Variants in LRRTM4 observed in about 807,000 individuals in gnomAD.
LRRTM4 encodes the protein leucine-rich repeat transmembrane neuronal protein 4.
LRRTM4 carries 25 observed loss-of-function variants against 47.6 expected under a neutral mutation model. The observed-to-expected ratio is 0.53, with a 90% CI of 0.38 to 0.73. LRRTM4 has a LOEUF of 0.73. LRRTM4 is among the 30% of genes least tolerant of loss of function. The pLI is 0.00. For missense variants in LRRTM4, 638 were observed against 713.4 expected (o/e 0.89, Z 1.20); for synonymous variants, 311 against 269.5 (o/e 1.15, Z -1.51).
intron 3 of LRRTM4, among the ~76,000 whole-genome samples, chr2:77,293,315 T>C (rs988909222): frequency 6.6e-6 from 1 of 152,040 alleles, no homozygotes; most frequent in South Asian, 2.1e-4. Context: ...CAGAAAGAAG[T>C]ATTTAAACTT....
chr2:77,467,955 G>C (rs1344174612), intron 3 of LRRTM4, among the ~76,000 whole-genome samples: 1 of 152,084 alleles, frequency 6.6e-6, no homozygotes, highest in East Asian at 1.9e-4. Flanking sequence ...TACAAAAAGA[G>C]GTACTTATAT....
chr2:76,910,523 T>C (rs1674015561), intron 3 of LRRTM4, among the ~76,000 whole-genome samples: 1 of 152,102 alleles, frequency 6.6e-6, no homozygotes, highest in Non-Finnish European at 1.5e-5. Flanking sequence ...GGCATCATTC[T>C]TATAGCACCA....
At chr2:76,969,942 T>C (rs141454711) in intron 3 of LRRTM4, among the ~76,000 whole-genome samples, 22 of 152,090 alleles carry the variant, frequency 1.4e-4, no homozygotes, top group African/African-American at 5.3e-4. Flanking sequence ...CTTCAGAATA[T>C]ATCTGTTCTG....
intron 3 of LRRTM4, among the ~76,000 whole-genome samples, chr2:77,085,150 T>A (rs887932582): frequency 2.6e-5 from 4 of 152,132 alleles, no homozygotes; most frequent in African/African-American, 9.6e-5. Flanking sequence ...TAGATACAAC[T>A]AAATTTATGA....
chr2:77,488,817 A>G (rs564540153), intron 3 of LRRTM4, among the ~76,000 whole-genome samples: 1 of 152,168 alleles, frequency 6.6e-6, no homozygotes, highest in African/African-American at 2.4e-5. Flanking sequence ...TGAAGCACTG[A>G]ACTATTTGGT....
At chr2:77,342,728 T>C (rs529121148) in intron 3 of LRRTM4, among the ~76,000 whole-genome samples, 1 of 152,050 alleles carries the variant, frequency 6.6e-6, no homozygotes, top group South Asian at 2.1e-4. Context: ...GTTGTTTTGT[T>C]TGTTTGATTT....
intron 3 of LRRTM4, among the ~76,000 whole-genome samples, chr2:77,198,585 G>A (rs931974277): frequency 6.6e-6 from 1 of 152,148 alleles, no homozygotes; most frequent in African/African-American, 2.4e-5. Flanking sequence ...ATAAAGGAAT[G>A]AAAGTTTAGA....
At chr2:77,274,143 A>G (rs1676276275) in intron 3 of LRRTM4, among the ~76,000 whole-genome samples, 1 of 152,036 alleles carries the variant, frequency 6.6e-6, no homozygotes, top group East Asian at 1.9e-4. Context: ...ATATGATCAC[A>G]TTTACACACA....
chr2:77,348,979 C>G (rs938975135), intron 3 of LRRTM4, among the ~76,000 whole-genome samples: 5 of 151,884 alleles, frequency 3.3e-5, no homozygotes, highest in African/African-American at 7.2e-5. Flanking sequence ...ACCATTAAAA[C>G]TGACAGCAAA....
chr2:77,496,146 A>G (rs2104061551), intron 3 of LRRTM4, among the ~76,000 whole-genome samples: 1 of 151,960 alleles, frequency 6.6e-6, no homozygotes, highest in East Asian at 1.9e-4. Context: ...TGTATTTTTG[A>G]TTGCTATTAA....
intron 3 of LRRTM4, among the ~76,000 whole-genome samples, chr2:77,399,580 C>T (rs1673856698): frequency 6.6e-6 from 1 of 151,806 alleles, no homozygotes; most frequent in Admixed American, 6.6e-5. Context: ...TAGTTAACAA[C>T]AATGTGGATC....
intron 3 of LRRTM4, among the ~76,000 whole-genome samples, chr2:77,026,466 C>CA (rs1187008542): frequency 2.6e-5 from 4 of 151,816 alleles, no homozygotes; most frequent in African/African-American, 4.8e-5. Flanking sequence ...TATGCACTAA[C>CA]AAAAAAATCT....
chr2:76,888,191 A>T (rs985572596), intron 3 of LRRTM4, among the ~76,000 whole-genome samples: 1 of 151,236 alleles, frequency 6.6e-6, no homozygotes, highest in African/African-American at 2.4e-5. Context: ...GAAATACTTT[A>T]GCTGTGAATG....
chr2:77,229,112 A>G (rs1205713031), intron 3 of LRRTM4, among the ~76,000 whole-genome samples: 1 of 152,074 alleles, frequency 6.6e-6, no homozygotes, highest in African/African-American at 2.4e-5. Context: ...GCCCCTTCTT[A>G]ATTAATTTCC....
chr2:77,332,279 T>C (rs765861041), intron 3 of LRRTM4, among the ~76,000 whole-genome samples: 1 of 152,148 alleles, frequency 6.6e-6, no homozygotes, highest in Non-Finnish European at 1.5e-5. Flanking sequence ...ACAATAAATA[T>C]GTATTTCACA....
chr2:76,984,220 T>C (rs1247155348), intron 3 of LRRTM4, among the ~76,000 whole-genome samples: 1 of 152,056 alleles, frequency 6.6e-6, no homozygotes, highest in Non-Finnish European at 1.5e-5. Context: ...TTCACAGCTT[T>C]ATGATGTATT....
chr2:77,057,874 G>A lies in LRRTM4; in HGVS notation c.1552-308958C>T, dbSNP rs1319235114. Among the ~76,000 whole-genome samples, 3 of 152,216 alleles carry A rather than the reference G, an allele frequency of 2.0e-5. No homozygotes were observed. The South Asian group carries it at 6.2e-4, about 32-fold the overall frequency. The stretch of plus-strand genomic sequence containing the variant: ...AGAATAAGATTCATCATAACCCAGA[G>A]ATTCATGAAACTTAGAGGTGAGAAA... On this transcript the variant is annotated intron_variant, in intron 3 of 3. Coordinates refer to ENST00000409884, the MANE Select transcript of LRRTM4 (RefSeq NM_001134745.3).
At chr2:76,771,253 C>G (rs1376536247) in intron 3 of LRRTM4, among the ~76,000 whole-genome samples, 1 of 152,154 alleles carries the variant, frequency 6.6e-6, no homozygotes, top group Non-Finnish European at 1.5e-5. Context: ...GAGTTGGAAT[C>G]GCTGTATCAG....
chr2:76,901,313 G>A (rs1673624072), intron 3 of LRRTM4, among the ~76,000 whole-genome samples: 1 of 152,046 alleles, frequency 6.6e-6, no homozygotes, highest in Non-Finnish European at 1.5e-5. Flanking sequence ...TTGGTTTTCT[G>A]TTCCTGCATT....
Sources: allele counts gnomAD v4.1 joint callset (sites outside exome capture counted in the v4.1 genomes callset), GRCh38; gene constraint gnomAD v4.1.1; transcripts MANE v1.5; gene names NCBI Gene and HGNC (gene_info 2026-07-23, HGNC 2026-07-21).